The following PCNX1 variants were observed in gnomAD, a reference collection of about 807,000 sequenced individuals.
The protein encoded by PCNX1 is pecanex 1.
A neutral mutation model predicts 242.2 loss-of-function variants in PCNX1; 78 were observed. The observed-to-expected ratio is 0.32, with a 90% CI of 0.27 to 0.39. The LOEUF is 0.39. PCNX1 is among the 10% of genes least tolerant of loss of function. PCNX1 has a pLI of 1.00. For synonymous variants in PCNX1, 1,024 were observed against 1,032.9 expected (o/e 0.99, Z 0.17); for missense variants, 2,581 against 2,856.5 (o/e 0.90, Z 2.20).
At position 71,103,388 on chromosome 14, in the gene PCNX1, T is replaced by C; in HGVS notation, c.5821-7T>C. The stretch of plus-strand genomic sequence containing the variant: ...TTAACCTAATTCCCTTGTGTTCTGG[T>C]TTTCAGGTGAATAAGGAATGTGTCC... On this transcript the variant is annotated splice_region_variant and splice_polypyrimidine_tract_variant and intron_variant, in intron 31 of 35. Transcript: ENST00000304743. 6.2e-7 allele frequency: 1 copy of C among 1,613,490 alleles called. No homozygotes were observed. The highest frequency in any genetic ancestry group is 8.5e-7 in the Non-Finnish European group (1 of 1,179,484).
intron 27 of PCNX1, 114 bp from the exon 28 acceptor site, chr14:71,076,075 A>G (rs1188007669): frequency 1.2e-5 from 8 of 651,418 alleles, no homozygotes; most frequent in Admixed American, 2.8e-5. Flanking sequence ...CAGACTAAAA[A>G]GTGTTTTACT....
intron 9 of PCNX1, 80 bp from the exon 10 acceptor site, chr14:71,011,412 T>C (rs1431630791): frequency 6.2e-6 from 5 of 803,530 alleles, no homozygotes; most frequent in East Asian, 4.9e-5. Context: ...AGTGAAGATA[T>C]GTGAATCTCA....
intron 26 of PCNX1, among the ~76,000 whole-genome samples, chr14:71,070,216 A>C (rs1472693717): frequency 1.3e-5 from 2 of 152,162 alleles, no homozygotes; most frequent in African/African-American, 4.8e-5. Flanking sequence ...TTCTCTTGCT[A>C]TTCCTGCCAT....
intron 6 of PCNX1, among the ~76,000 whole-genome samples, 195 bp from the exon 7 acceptor site, chr14:70,988,372 A>G (rs996546007): frequency 1.9e-4 from 29 of 152,196 alleles, no homozygotes; most frequent in Middle Eastern, 3.2e-3. Context: ...TAAAGAAACA[A>G]TTTTCTTTAA....
intron 2 of PCNX1, among the ~76,000 whole-genome samples, chr14:70,948,205 C>T (rs139389722): frequency 1.3e-5 from 2 of 152,288 alleles, no homozygotes; most frequent in East Asian, 1.9e-4. Flanking sequence ...CATGTGATCT[C>T]TGTGACCCAT....
intron 5 of PCNX1, among the ~76,000 whole-genome samples, chr14:70,974,135 T>A (rs1035523949): frequency 5.9e-5 from 9 of 151,988 alleles, no homozygotes; most frequent in Non-Finnish European, 1.2e-4. Flanking sequence ...TGTTATTTCT[T>A]TTTATGGCTA....
intron 15 of PCNX1, 40 bp downstream of exon 15, chr14:71,026,922 C>A: frequency 1.2e-6 from 1 of 855,946 alleles, no homozygotes; most frequent in Non-Finnish European, 2.0e-6. Context: ...TACAGTATTA[C>A]CTTTATAGAT....
chr14:71,003,929 G>C (rs892350165), intron 8 of PCNX1, among the ~76,000 whole-genome samples: 2 of 152,182 alleles, frequency 1.3e-5, no homozygotes, highest in Admixed American at 1.3e-4. Flanking sequence ...AAAAAGACTT[G>C]TTCTAAATAT....
At chr14:70,908,048 G>T (rs780682535) in intron 1 of PCNX1, 45 bp downstream of exon 1, 2 of 1,511,662 alleles carry the variant, frequency 1.3e-6, no homozygotes, top group East Asian at 2.7e-5. Flanking sequence ...CCCGCGAGCC[G>T]GTGGGGAGAT....
At chr14:70,980,722 G>A (rs2058813206) in intron 6 of PCNX1, among the ~76,000 whole-genome samples, 1 of 152,058 alleles carries the variant, frequency 6.6e-6, no homozygotes. Flanking sequence ...ACTGTTTAAA[G>A]ATACTTGTTT....
At chr14:70,932,926 A>G (rs1053085967) in intron 1 of PCNX1, among the ~76,000 whole-genome samples, 2 of 151,934 alleles carry the variant, frequency 1.3e-5, no homozygotes, top group Non-Finnish European at 1.5e-5. Context: ...AGTTTTTATT[A>G]TTTTTCTAGG....
chr14:71,110,166 A>G lies in PCNX1; in HGVS notation c.*231A>G. On this transcript the variant is annotated 3_prime_UTR_variant, in exon 36 of 36. Coordinates refer to ENST00000304743, the MANE Select transcript of PCNX1 (RefSeq NM_014982.3). ...ATTTTTTTAAGTTAGCTGCCGAGAAAACATTTTGCATGAAGGATAAAGTTC... is the reference window on the plus strand; with the variant it reads ...ATTTTTTTAAGTTAGCTGCCGAGAAGACATTTTGCATGAAGGATAAAGTTC... 1.7e-6 allele frequency: 1 copy of G among 577,010 alleles called. No individual in the cohort carries two copies. Among genetic ancestry groups the G allele is most frequent in the Non-Finnish European group, 3.1e-6 (1 of 318,154 alleles). The allele number at this position is 577,010 out of a possible 1,614,324, so 35.7% of individuals were successfully genotyped here. A position where few individuals can be genotyped will look rare whatever the true frequency, so the allele number is the denominator to read the frequency against.
intron 3 of PCNX1, among the ~76,000 whole-genome samples, chr14:70,964,694 A>G (rs2058325510): frequency 6.6e-6 from 1 of 152,220 alleles, no homozygotes; most frequent in Non-Finnish European, 1.5e-5. Context: ...TGACCTTGGC[A>G]TCGTGTCTGT....
At chr14:70,950,199 T>C (rs1212596083) in intron 2 of PCNX1, among the ~76,000 whole-genome samples, 1 of 152,208 alleles carries the variant, frequency 6.6e-6, no homozygotes, top group Non-Finnish European at 1.5e-5. Context: ...AATCACTATC[T>C]GAAATTATCT....
At position 71,013,191 on chromosome 14, in the gene PCNX1, C is replaced by T; in HGVS notation, c.2985C>T (p.Ala995=). Reference sequence around the variant, plus strand: ...ACTTTGACAGACTCACACTTTTGGCCCTGTTTGATAGGTGAGATTATAGTG... The same window carrying T: ...ACTTTGACAGACTCACACTTTTGGCTCTGTTTGATAGGTGAGATTATAGTG... The part of the protein sequence containing the change: ...GINFDRLTLL[A]LFDRNREILE... The change falls in exon 11 of 36, where the codon GCC becomes GCT. Residue 995 remains alanine, a synonymous_variant. Coordinates refer to ENST00000304743, the MANE Select transcript of PCNX1 (RefSeq NM_014982.3). 6.2e-7 allele frequency: 1 copy of T among 1,611,520 alleles called. No homozygotes were observed. The highest frequency in any genetic ancestry group is 1.7e-4 in the Middle Eastern group (1 of 6,054).
chr14:70,907,885 G>C lies in PCNX1; in HGVS notation c.35G>C (p.Gly12Ala). The change falls in exon 1 of 36, where the codon GGG becomes GCG. Residue 12 changes from glycine to alanine, a missense_variant. Gly to Ala is a moderately conservative substitution (Grantham distance 60). Coordinates refer to ENST00000304743, the MANE Select transcript of PCNX1 (RefSeq NM_014982.3). ...GSQTLQILRQGVWAALSGGWY... is the reference protein window; with the variant it reads ...GSQTLQILRQAVWAALSGGWY... ...CAGACGCTGCAGATCCTCCGACAGG[G>C]GGTGTGGGCCGCGCTCAGCGGGGGC... 3.9e-6 allele frequency: 6 copies of C among 1,554,008 alleles called. No individual in the cohort carries two copies. The highest frequency in any genetic ancestry group is 5.2e-6 in the Non-Finnish European group (6 of 1,153,650).
At chr14:70,989,497 G>A (rs2059095819) in intron 7 of PCNX1, among the ~76,000 whole-genome samples, 1 of 150,408 alleles carries the variant, frequency 6.6e-6, no homozygotes, top group East Asian at 1.9e-4. Context: ...AAAGACTTGG[G>A]CTTTAATTTA....
At chr14:70,982,593 T>C (rs148608308) in intron 6 of PCNX1, among the ~76,000 whole-genome samples, 167 of 152,304 alleles carry the variant, frequency 1.1e-3, no homozygotes, top group African/African-American at 3.9e-3. Context: ...CTTAGACATA[T>C]ATAAAACTGC....
At chr14:70,990,412 A>C (rs1035019587) in intron 7 of PCNX1, among the ~76,000 whole-genome samples, 1 of 151,704 alleles carries the variant, frequency 6.6e-6, no homozygotes, top group African/African-American at 2.4e-5. Flanking sequence ...AAAAAAAAAA[A>C]AATTAGCTGG....
Sources: gnomAD v4.1 joint callset for allele counts (sites outside exome capture counted in the v4.1 genomes callset) on GRCh38, gnomAD v4.1.1 for gene constraint, MANE v1.5 for transcripts, NCBI Gene and HGNC (gene_info 2026-07-23, HGNC 2026-07-21) for gene names.